The following EPN2 variants were observed in gnomAD, a reference collection of about 807,000 sequenced individuals.
EPN2 encodes the protein epsin-2.
EPN2 carries 34 observed loss-of-function variants against 61.7 expected under a neutral mutation model. The ratio of observed to expected loss-of-function variants is 0.55; its 90% CI spans 0.42 to 0.73. The LOEUF is 0.73. Among genes scored for constraint, EPN2 ranks in the 30% least tolerant of loss-of-function variants. The pLI, the probability that EPN2 is intolerant of heterozygous loss-of-function variation, is 0.00. For synonymous variants in EPN2, 349 were observed against 353.6 expected (o/e 0.99, Z 0.15); for missense variants, 714 against 839.2 (o/e 0.85, Z 1.84).
rs993564755 is a variant in EPN2, at chr17:19,335,894, A to T, written c.*1640A>T. Reference sequence around the variant, plus strand: ...TTACCCAGGGAGGGGACATTCCCCCAATCCTGTGTCTGGGCAGCTTGCCTG... The same window carrying T: ...TTACCCAGGGAGGGGACATTCCCCCTATCCTGTGTCTGGGCAGCTTGCCTG... On this transcript the variant is annotated 3_prime_UTR_variant, in exon 11 of 11. Transcript: ENST00000314728. 1 of 154,140 alleles carries T rather than the reference A, an allele frequency of 6.5e-6. No individual in the cohort carries two copies. The highest frequency in any genetic ancestry group is 1.4e-5 in the Non-Finnish European group (1 of 69,416). 9.5% of individuals were successfully genotyped at this position (154,140 alleles called of 1,614,324 possible).
At chr17:19,333,563 C>T (rs1182031730) in intron 10 of EPN2, among the ~76,000 whole-genome samples, 1 of 152,198 alleles carries the variant, frequency 6.6e-6, no homozygotes, top group Non-Finnish European at 1.5e-5. Context: ...GTGGGCACTG[C>T]CACATGAGCC....
chr17:19,320,354 A>G (rs941942432), intron 7 of EPN2, among the ~76,000 whole-genome samples: 1 of 152,148 alleles, frequency 6.6e-6, no homozygotes, highest in African/African-American at 2.4e-5. Context: ...TTGCTTGGAT[A>G]GAACAAGGTG....
At position 19,283,083 on chromosome 17, in the gene EPN2, T is replaced by G. The variant is rs2045373213; in HGVS notation, c.-37T>G. ...TACCAAGGACAGGAAGGTTTCTCTG[T>G]TTGAAGGGCTTTAAACTTATAACAA... On this transcript the variant is annotated 5_prime_UTR_variant, in exon 3 of 11. Transcript: ENST00000314728. This position sits in a 1 kb window ranked among gnomAD's most constrained non-coding sequence, Gnocchi z 7.0. 18 of 1,522,708 alleles carry G rather than the reference T, an allele frequency of 1.2e-5. No homozygotes were observed. The highest frequency in any genetic ancestry group is 1.6e-5 in the Non-Finnish European group (18 of 1,114,674). The allele number at this position is 1,522,708 out of a possible 1,614,324, so 94.3% of individuals were successfully genotyped here.
rs772230550 is a variant in EPN2, at chr17:19,289,724, G to GTTTTGTTTTTTTTTTTTTTTTT, written c.766+3938_766+3939insGTTTTTTTTTTTTTTTTTTTTT. On this transcript the variant is annotated intron_variant, in intron 4 of 10. Coordinates refer to ENST00000314728, the MANE Select transcript of EPN2 (RefSeq NM_014964.5). ...TGTTCGGCCTCACCTGGCGCTCATGGTTTTTTTTTTTTTTTTTTTTGAGAT... is the reference window on the plus strand; with the variant it reads ...TGTTCGGCCTCACCTGGCGCTCATGGTTTTGTTTTTTTTTTTTTTTTTTTTTTTTTTTTTTTTTTTTTGAGAT... Among the ~76,000 whole-genome samples the GTTTTGTTTTTTTTTTTTTTTTT allele has an allele frequency of 1.2e-3, 96 of 78,046 alleles. 3 individuals carry two copies. Among genetic ancestry groups the GTTTTGTTTTTTTTTTTTTTTTT allele is most frequent in the East Asian group, 6.4e-3 (11 of 1,732 alleles). 51.2% of individuals were successfully genotyped at this position (78,046 alleles called of 152,430 possible). A position where few individuals can be genotyped will look rare whatever the true frequency, so the allele number is the denominator to read the frequency against.
At chr17:19,308,721 G>A (rs1430827886) in intron 4 of EPN2, 2 of 974,420 alleles carry the variant, frequency 2.1e-6, no homozygotes, top group East Asian at 2.3e-4. Flanking sequence ...TGTTCTGAGA[G>A]TTTTAGAGAA....
chr17:19,243,349 C>T lies in EPN2; in HGVS notation c.-294+5818C>T, dbSNP rs372778342. On this transcript the variant is annotated intron_variant, in intron 1 of 10. Coordinates refer to ENST00000314728, the MANE Select transcript of EPN2 (RefSeq NM_014964.5). ...TTTTCTGCCTCAGCTTCCTGAGTAG[C>T]TGGGATTACAGGTGTGTGCTACCAT... is the stretch of plus-strand genomic sequence containing the variant. 7.7e-5 allele frequency among the ~76,000 whole-genome samples: 11 copies of T among 143,786 alleles called. No homozygotes were observed. In the East Asian group the frequency reaches 8.4e-4, roughly 11 times the overall value. 94.3% of individuals were successfully genotyped at this position (143,786 alleles called of 152,430 possible).
intron 1 of EPN2, among the ~76,000 whole-genome samples, chr17:19,276,990 T>C (rs1457600594): frequency 1.3e-5 from 2 of 152,148 alleles, no homozygotes; most frequent in East Asian, 3.8e-4. Context: ...CATTTGCATG[T>C]GCATTAGTTC....
At chr17:19,302,525 T>C (rs1409155603) in intron 4 of EPN2, among the ~76,000 whole-genome samples, 3 of 152,226 alleles carry the variant, frequency 2.0e-5, no homozygotes, top group Admixed American at 1.3e-4. Flanking sequence ...TGTATGCTCC[T>C]TATGAGAATC....
At chr17:19,247,750 G>A (rs1455733762) in intron 1 of EPN2, among the ~76,000 whole-genome samples, 1 of 152,202 alleles carries the variant, frequency 6.6e-6, no homozygotes, top group East Asian at 1.9e-4. Context: ...TGTTTGAGAA[G>A]GGGGCCCTGC....
intron 4 of EPN2, among the ~76,000 whole-genome samples, chr17:19,299,397 G>T (rs1217064504): frequency 6.6e-6 from 1 of 152,234 alleles, no homozygotes; most frequent in African/African-American, 2.4e-5. Flanking sequence ...GGAGAGCTGC[G>T]GGTGGCTCAG....
At position 19,283,431 on chromosome 17, in the gene EPN2, G is replaced by A; in HGVS notation, c.312G>A (p.Gln104=). The change falls in exon 3 of 11, where the codon CAG becomes CAA. Residue 104 remains glutamine (Q), a synonymous_variant. Transcript: ENST00000314728. This position sits in a 1 kb window ranked among gnomAD's most constrained non-coding sequence, Gnocchi z 7.0. ...QQCRENIFAI[Q]TLKDFQYIDR... ...GCCGGGAGAACATCTTCGCCATCCA[G>A]ACCCTGAAGGACTTCCAGTACATTG... The A allele has an allele frequency of 6.2e-7, 1 of 1,614,206 alleles. No individual in the cohort carries two copies. Among genetic ancestry groups the A allele is most frequent in the South Asian group, 1.1e-5 (1 of 91,084 alleles).
At chr17:19,321,052 A>G (rs1054119300) in intron 7 of EPN2, among the ~76,000 whole-genome samples, 5 of 152,238 alleles carry the variant, frequency 3.3e-5, no homozygotes, top group Admixed American at 6.5e-5. Flanking sequence ...TCACATGCAC[A>G]CAAGCGGCAT....
intron 1 of EPN2, among the ~76,000 whole-genome samples, chr17:19,247,725 G>A (rs2044968835): frequency 2.0e-5 from 3 of 152,208 alleles, no homozygotes; most frequent in African/African-American, 7.2e-5. Context: ...GGTCTTGAGT[G>A]GGTGCCACCT....
At chr17:19,294,014 TG>T (rs1193499730) in intron 4 of EPN2, among the ~76,000 whole-genome samples, 1 of 151,442 alleles carries the variant, frequency 6.6e-6, no homozygotes, top group Non-Finnish European at 1.5e-5. Context: ...GCTTGAAGCT[TG>T]GGAGGCAGAG....
At chr17:19,264,728 G>C (rs1193385904) in intron 1 of EPN2, among the ~76,000 whole-genome samples, 1 of 152,184 alleles carries the variant, frequency 6.6e-6, no homozygotes, top group Admixed American at 6.5e-5. Flanking sequence ...GAGAGAAAGG[G>C]GGGAGTGTGT....
At chr17:19,289,360 AG>A (rs1388700008) in intron 4 of EPN2, among the ~76,000 whole-genome samples, 3 of 152,104 alleles carry the variant, frequency 2.0e-5, no homozygotes, top group African/African-American at 4.8e-5. Flanking sequence ...CTGGGATTAC[AG>A]GTGTGAGCCA....
chr17:19,264,438 C>G (rs1450436696), intron 1 of EPN2, among the ~76,000 whole-genome samples: 1 of 152,246 alleles, frequency 6.6e-6, no homozygotes, highest in East Asian at 1.9e-4. Flanking sequence ...TGTGGGGAAA[C>G]CTGTAGTGAA....
intron 1 of EPN2, among the ~76,000 whole-genome samples, chr17:19,280,189 T>A (rs962105472): frequency 5.3e-5 from 8 of 152,186 alleles, no homozygotes; most frequent in African/African-American, 9.7e-5. Context: ...TCTGAGAAGC[T>A]GAAGAGTCAT....
chr17:19,252,289 A>G (rs544317123), intron 1 of EPN2, among the ~76,000 whole-genome samples: 1 of 152,140 alleles, frequency 6.6e-6, no homozygotes. Flanking sequence ...AGTGTGGAGC[A>G]TACCTGGTTG....
Sources: gnomAD v4.1 joint callset for allele counts (sites outside exome capture counted in the v4.1 genomes callset) on GRCh38, gnomAD v4.1.1 for gene constraint, Gnocchi (gnomAD v3.1) non-coding constraint, MANE v1.5 for transcripts, NCBI Gene and HGNC (gene_info 2026-07-23, HGNC 2026-07-21) for gene names.